The following NBEA variants were observed in gnomAD, a reference collection of about 807,000 sequenced individuals.
The protein encoded by NBEA is lysosomal-trafficking regulator 2.
NBEA carries 44 observed loss-of-function variants against 343.4 expected under a neutral mutation model. The ratio of observed to expected loss-of-function variants is 0.13; its 90% confidence interval spans 0.10 to 0.16. The LOEUF is 0.16. Among genes scored for constraint, NBEA ranks in the 10% least tolerant of loss-of-function variants. NBEA has a pLI of 1.00. For synonymous variants in NBEA, 1,175 were observed against 1,238.7 expected (o/e 0.95, Z 1.08); for missense variants, 2,555 against 3,631.3 (o/e 0.70, Z 7.62).
chr13:35,220,179 G>C (rs553586184), intron 33 of NBEA, among the ~76,000 whole-genome samples: 1 of 152,234 alleles, frequency 6.6e-6, no homozygotes, highest in East Asian at 1.9e-4. Flanking sequence ...AAATTTTGCA[G>C]ACATACATGT....
intron 32 of NBEA, 92 bp from the exon 33 acceptor site, chr13:35,210,961 G>C (rs2073733580): frequency 7.5e-7 from 1 of 1,338,382 alleles, no homozygotes; most frequent in African/African-American, 1.5e-5. Context: ...AATCTGATGA[G>C]TAATTCTTTC....
At position 35,130,728 on chromosome 13, in the gene NBEA, A is replaced by G. The variant is rs78797527; in HGVS notation, c.2336+7154A>G. Among the ~76,000 whole-genome samples, 675 of 152,070 alleles carry G rather than the reference A, an allele frequency of 4.4e-3. 43 individuals carry two copies. In the East Asian group the frequency reaches 0.12, roughly 27 times the overall value. On this transcript the variant is annotated intron_variant, in intron 17 of 58. Coordinates refer to ENST00000379939, the MANE Select transcript of NBEA (RefSeq NM_001385012.1). ...TACACGTTCTTTTCAAACACACAAA[A>G]CTATAGAAATTATTTAAATGAGACC...
intron 36 of NBEA, among the ~76,000 whole-genome samples, chr13:35,335,543 TATC>T (rs1478953476): frequency 6.6e-6 from 1 of 152,132 alleles, no homozygotes. Context: ...TAAATTTCCT[TATC>T]AAGATCTTTC....
rs2059066024 is a variant in NBEA, at chr13:34,942,707, C to G, written c.-114C>G. ...GGGGAGCGGGCCCGGCGCCGCGGCG[C>G]TGGTGGATGCTGGGGCTCCGAGGCG... On this transcript the variant is annotated 5_prime_UTR_variant, in exon 1 of 59. Coordinates refer to ENST00000379939, the MANE Select transcript of NBEA (RefSeq NM_001385012.1). The G allele has an allele frequency of 2.3e-5, 18 of 789,038 alleles. No individual in the cohort carries two copies. In the East Asian group the frequency reaches 6.4e-4, roughly 28 times the overall value. 48.9% of individuals were successfully genotyped at this position (789,038 alleles called of 1,614,324 possible).
chr13:35,582,237 G>C (rs1294149527), intron 45 of NBEA, among the ~76,000 whole-genome samples: 1 of 152,116 alleles, frequency 6.6e-6, no homozygotes, highest in Non-Finnish European at 1.5e-5. Context: ...AGCGAGCCCA[G>C]ATCGCGCCAC....
rs538187651 is a variant in NBEA, at chr13:35,513,030, C to T, written c.6586-37447C>T. Among the ~76,000 whole-genome samples, 4 of 151,792 alleles carry T rather than the reference C, an allele frequency of 2.6e-5. No individual in the cohort carries two copies. The South Asian group carries it at 8.3e-4, about 32-fold the overall frequency. ...ATACTATACAGGTTTTTTTAAAACTCTTGGCATAAATTTATTTCTAGCTTT... is the reference window on the plus strand; with the variant it reads ...ATACTATACAGGTTTTTTTAAAACTTTTGGCATAAATTTATTTCTAGCTTT... On this transcript the variant is annotated intron_variant, in intron 41 of 58. Transcript: ENST00000379939.
chr13:35,387,376 T>G (rs2042291243), intron 38 of NBEA, among the ~76,000 whole-genome samples: 1 of 152,116 alleles, frequency 6.6e-6, no homozygotes, highest in Admixed American at 6.6e-5. Context: ...CCTTGCGAAT[T>G]GATTTTTTTT....
chr13:35,662,107 C>T (rs775502951), intron 55 of NBEA, among the ~76,000 whole-genome samples: 2 of 152,212 alleles, frequency 1.3e-5, no homozygotes, highest in South Asian at 2.1e-4. Context: ...GAATAAGCAG[C>T]ATCTAATACT....
intron 36 of NBEA, among the ~76,000 whole-genome samples, chr13:35,347,594 G>A (rs561494194): frequency 6.6e-6 from 1 of 151,802 alleles, no homozygotes; most frequent in African/African-American, 2.4e-5. Context: ...ACACAAAAAG[G>A]CCAAATCATT....
At chr13:35,366,175 C>A (rs1013935334) in intron 38 of NBEA, among the ~76,000 whole-genome samples, 1 of 151,466 alleles carries the variant, frequency 6.6e-6, no homozygotes, top group African/African-American at 2.4e-5. Flanking sequence ...TGATAGCATT[C>A]CCATAAATCT....
chr13:35,082,468 T>A (rs2064466070), intron 10 of NBEA, among the ~76,000 whole-genome samples: 1 of 152,194 alleles, frequency 6.6e-6, no homozygotes, highest in Non-Finnish European at 1.5e-5. Context: ...ATATTTCTAG[T>A]TCTAGATCCC....
At position 35,196,023 on chromosome 13, in the gene NBEA, G is replaced by A; in HGVS notation, c.5087G>A (p.Gly1696Asp). The part of the protein sequence containing the change: ...LNGAELETST[G>D]PDAMSELLST... ...GGGGCAGAATTAGAAACAAGTACAG[G>A]CCCTGATGCCATGAGTGAACTCTTA... Residue 1696 changes from glycine to aspartate, a missense_variant, in exon 31 of 59, where the codon GGC becomes GAC. Physicochemically the swap from Gly to Asp is moderately conservative, Grantham distance 94. Around this residue, in one of 21 missense-constraint regions of NBEA, gnomAD observed 270 missense variants for 293.3 expected, o/e 0.92. Transcript: ENST00000379939. 1 of 1,613,654 alleles carries A rather than the reference G, an allele frequency of 6.2e-7. No individual in the cohort carries two copies. The highest frequency in any genetic ancestry group is 8.5e-7 in the Non-Finnish European group (1 of 1,179,734).
intron 34 of NBEA, among the ~76,000 whole-genome samples, chr13:35,277,566 A>G (rs1296817982): frequency 7.3e-6 from 1 of 137,706 alleles, no homozygotes; most frequent in Non-Finnish European, 1.5e-5. Context: ...AGTTGCAGTC[A>G]GCTGAGATCG....
chr13:34,961,627 A>G (rs1232076772), intron 1 of NBEA, among the ~76,000 whole-genome samples: 1 of 152,140 alleles, frequency 6.6e-6, no homozygotes, highest in Non-Finnish European at 1.5e-5. Context: ...CACTTCGGAT[A>G]CAATGATCAA....
chr13:35,015,606 A>G (rs2061631102), intron 1 of NBEA, among the ~76,000 whole-genome samples: 1 of 152,136 alleles, frequency 6.6e-6, no homozygotes, highest in Admixed American at 6.6e-5. Context: ...ATGAAATATT[A>G]TTTAATTCAA....
chr13:35,585,552 A>G (rs569680375), intron 46 of NBEA, among the ~76,000 whole-genome samples: 30 of 151,808 alleles, frequency 2.0e-4, no homozygotes, highest in African/African-American at 7.0e-4. Flanking sequence ...ATTTTTCTTT[A>G]TATTTCAGCT....
At chr13:35,411,330 A>G (rs1439903343) in intron 38 of NBEA, among the ~76,000 whole-genome samples, 2 of 152,200 alleles carry the variant, frequency 1.3e-5, no homozygotes, top group Admixed American at 6.6e-5. Flanking sequence ...TGAGATTTCT[A>G]CAGTATTGGT....
In NBEA at chr13:35,303,187, A is replaced by T. The variant is rs186719930; in HGVS notation, c.5839-6341A>T. On this transcript the variant is annotated intron_variant, in intron 35 of 58. Transcript: ENST00000379939. ...ATTAGTAATACTTTTTCATGTCTTC[A>T]TGGAAAATGAGAACCCAGTTAGATT... Among the ~76,000 whole-genome samples the T allele has an allele frequency of 5.3e-3, 800 of 152,246 alleles. 5 individuals carry two copies. Among genetic ancestry groups the T allele is most frequent in the South Asian group, 0.017 (80 of 4,828 alleles).
chr13:35,470,735 G>A (rs978086323), intron 40 of NBEA, among the ~76,000 whole-genome samples: 1 of 152,222 alleles, frequency 6.6e-6, no homozygotes. Flanking sequence ...AGCGTTGGGG[G>A]ATTCGGAGGA....
Sources: allele counts gnomAD v4.1 joint callset (sites outside exome capture counted in the v4.1 genomes callset), GRCh38; gene constraint gnomAD v4.1.1; regional missense constraint gnomAD v4.1.1; transcripts MANE v1.5; gene names NCBI Gene and HGNC (gene_info 2026-07-23, HGNC 2026-07-21).